The following MED18 variants were observed in gnomAD, a reference collection of about 807,000 sequenced individuals.
The protein encoded by MED18 is mediator complex subunit 18.
A neutral mutation model predicts 13.9 loss-of-function variants in MED18; 10 were observed. That is an observed-to-expected ratio of 0.72 (90% CI 0.44 to 1.22). The LOEUF is 1.22. MED18 is among the 50% of genes most tolerant of loss of function. The probability of loss-of-function intolerance (pLI) is 0.00; values close to 1 mark genes in which losing one functional copy is unlikely to be tolerated. For synonymous variants in MED18, 88 were observed against 93.2 expected (o/e 0.94, Z 0.32); for missense variants, 216 against 279.0 (o/e 0.77, Z 1.61).
chr1:28,331,055 G>T (rs866027056), intron 2 of MED18, among the ~76,000 whole-genome samples: 1 of 151,766 alleles, frequency 6.6e-6, no homozygotes. Flanking sequence ...TTAGCCCGGC[G>T]TGGTGGCGGG....
chr1:28,329,078 C>G lies in MED18; in HGVS notation c.-169C>G, dbSNP rs922891822. ...CACCGATCTGGGGGCTTCCCGGGCT[C>G]GGGTAACCGGAGTGCTGGTATCTAA... is the stretch of plus-strand genomic sequence containing the variant. On this transcript the variant is annotated 5_prime_UTR_variant, in exon 1 of 3. Coordinates refer to ENST00000373842, the MANE Select transcript of MED18 (RefSeq NM_017638.3). The G allele has an allele frequency of 6.6e-6, 1 of 152,140 alleles. No individual in the cohort carries two copies. The highest frequency in any genetic ancestry group is 2.1e-4 in the South Asian group (1 of 4,834). 9.4% of individuals were successfully genotyped at this position (152,140 alleles called of 1,614,324 possible).
intron 2 of MED18, among the ~76,000 whole-genome samples, chr1:28,331,749 A>AT (rs1001931813): frequency 0.013 from 1,895 of 145,952 alleles, 41 homozygotes; most frequent in African/African-American, 0.044. Flanking sequence ...TGTTTCTCTG[A>AT]TTTTTTTTTT....
At position 28,335,030 on chromosome 1, in the gene MED18, T is replaced by C; in HGVS notation, c.*60T>C. 1.4e-6 allele frequency: 2 copies of C among 1,451,816 alleles called. No individual in the cohort carries two copies. The highest frequency in any genetic ancestry group is 1.3e-5 in the South Asian group (1 of 75,026). 89.9% of individuals were successfully genotyped at this position (1,451,816 alleles called of 1,614,324 possible). ...TACTTGTTTGAAAAAATATGTTTGC[T>C]TTTTTTGGTTTTTGTTTTGTTTTGT... On this transcript the variant is annotated 3_prime_UTR_variant, in exon 3 of 3. Coordinates refer to ENST00000373842, the MANE Select transcript of MED18 (RefSeq NM_017638.3).
At chr1:28,331,044 A>C (rs546069741) in intron 2 of MED18, among the ~76,000 whole-genome samples, 1 of 151,862 alleles carries the variant, frequency 6.6e-6, no homozygotes, top group South Asian at 2.1e-4. Context: ...TACAAAAGAA[A>C]TTAGCCCGGC....
chr1:28,331,166 C>T (rs1649720164), intron 2 of MED18, among the ~76,000 whole-genome samples: 1 of 150,648 alleles, frequency 6.6e-6, no homozygotes, highest in South Asian at 2.1e-4. Flanking sequence ...TGCACTCCAG[C>T]CTGGGCGACA....
In MED18 at chr1:28,335,073, G is replaced by A. The variant is rs186269323; in HGVS notation, c.*103G>A. ...TGTTTTGTTTTTGAGACAGAGTCTC[G>A]CTTTGTTTCCCAGGCTGGAGTGCAG... On this transcript the variant is annotated 3_prime_UTR_variant, in exon 3 of 3. Transcript: ENST00000373842. 5.8e-5 allele frequency: 67 copies of A among 1,154,672 alleles called. No individual in the cohort carries two copies. The highest frequency in any genetic ancestry group is 7.7e-5 in the Non-Finnish European group (64 of 829,732). 71.5% of individuals were successfully genotyped at this position (1,154,672 alleles called of 1,614,324 possible).
chr1:28,331,151 G>A (rs377602888), intron 2 of MED18, among the ~76,000 whole-genome samples: 77 of 149,336 alleles, frequency 5.2e-4, no homozygotes, highest in African/African-American at 1.8e-3. Flanking sequence ...CCGAGATCGC[G>A]CCACTGCACT....
chr1:28,330,956 G>T (rs1348679031), intron 2 of MED18, among the ~76,000 whole-genome samples: 2 of 152,138 alleles, frequency 1.3e-5, no homozygotes, highest in African/African-American at 4.8e-5. Context: ...ACTTTGGGAG[G>T]CCGAGGTGGG....
chr1:28,334,317 C>T, intron 2 of MED18, 100 bp from the exon 3 acceptor site: 1 of 1,304,916 alleles, frequency 7.7e-7, no homozygotes, highest in Non-Finnish European at 1.1e-6. Flanking sequence ...AAATGCTTCA[C>T]TAAACTGTTT....
At position 28,334,679 on chromosome 1, in the gene MED18, G is replaced by A; in HGVS notation, c.336G>A (p.Glu112=). 1 of 1,614,192 alleles carries A rather than the reference G, an allele frequency of 6.2e-7. No individual in the cohort carries two copies. Among genetic ancestry groups the A allele is most frequent in the Non-Finnish European group, 8.5e-7 (1 of 1,180,036 alleles). ...ACTGCGTGGACATTGCCACATCTGA[G>A]AACCTCACCGACTTCTTGATGGAAA... ...VRNCVDIATS[E]NLTDFLMEMG... The change falls in exon 3 of 3, where the codon GAG becomes GAA. Residue 112 remains glutamate, a synonymous_variant. Coordinates refer to ENST00000373842, the MANE Select transcript of MED18 (RefSeq NM_017638.3).
intron 2 of MED18, among the ~76,000 whole-genome samples, chr1:28,332,850 AAGAG>A (rs1649787983): frequency 6.6e-6 from 1 of 152,222 alleles, no homozygotes; most frequent in Non-Finnish European, 1.5e-5. Context: ...CAAAGGTAGA[AAGAG>A]GCGATTGCAA....
At chr1:28,330,889 A>C in intron 2 of MED18, 154 bp downstream of exon 2, 1 of 501,054 alleles carries the variant, frequency 2.0e-6, no homozygotes, top group South Asian at 2.6e-5. Flanking sequence ...ATATGCACTA[A>C]ACATACTAAA....
At chr1:28,332,561 C>A (rs927564678) in intron 2 of MED18, among the ~76,000 whole-genome samples, 1 of 152,056 alleles carries the variant, frequency 6.6e-6, no homozygotes, top group Non-Finnish European at 1.5e-5. Flanking sequence ...AGTAGACATG[C>A]AGATGGGAAG....
rs768975582 is a variant in MED18, at chr1:28,334,496, C to A, written c.153C>A (p.Phe51Leu). ...GTGACAACATGGAACCTGAGACTTT[C>A]CTTGACCATGAGATGGTATTCCTCC... ...GLCDNMEPET[F>L]LDHEMVFLLK... The change falls in exon 3 of 3, where the codon TTC becomes TTA. Residue 51 changes from phenylalanine (F) to leucine (L), a missense_variant. Coordinates refer to ENST00000373842, the MANE Select transcript of MED18 (RefSeq NM_017638.3). 1.9e-6 allele frequency: 3 copies of A among 1,614,196 alleles called. No individual in the cohort carries two copies. Among genetic ancestry groups the A allele is most frequent in the Admixed American group, 3.3e-5 (2 of 60,000 alleles).
Position 28,329,104 on chromosome 1 carries a change from T to C in MED18, c.-143T>C, listed in dbSNP as rs1482319454. On this transcript the variant is annotated 5_prime_UTR_variant, in exon 1 of 3. Transcript: ENST00000373842. ...GGGTAACCGGAGTGCTGGTATCTAA[T>C]CGTCGCTCAAAAGCTCCTAGGTGCG... The C allele has an allele frequency of 1.3e-5, 2 of 152,318 alleles. No individual in the cohort carries two copies. The highest frequency in any genetic ancestry group is 2.4e-5 in the African/African-American group (1 of 41,566). The allele number at this position is 152,318 out of a possible 1,614,324, so 9.4% of individuals were successfully genotyped here. A position where few individuals can be genotyped will look rare whatever the true frequency, so the allele number is the denominator to read the frequency against.
At chr1:28,332,873 C>G (rs531661782) in intron 2 of MED18, among the ~76,000 whole-genome samples, 19 of 152,242 alleles carry the variant, frequency 1.2e-4, no homozygotes, top group African/African-American at 2.9e-4. Flanking sequence ...AAAGACCAGG[C>G]AAGAAATGAG....
In MED18 at chr1:28,329,155, C is replaced by T. The variant is rs1479199639; in HGVS notation, c.-92C>T. On this transcript the variant is annotated 5_prime_UTR_variant, in exon 1 of 3. Transcript: ENST00000373842. ...CGGGTGGATATAATTCCCGGCTTCT[C>T]GAGAAGACACTACAGCCTCAAGGAG... 1 of 152,058 alleles carries T rather than the reference C, an allele frequency of 6.6e-6. No homozygotes were observed. The highest frequency in any genetic ancestry group is 1.5e-5 in the Non-Finnish European group (1 of 68,034). 9.4% of individuals were successfully genotyped at this position (152,058 alleles called of 1,614,324 possible). A position where few individuals can be genotyped will look rare whatever the true frequency, so the allele number is the denominator to read the frequency against.
chr1:28,334,379 TGAAAGACAG>T (rs1286458405), intron 2 of MED18, 29 bp from the exon 3 acceptor site: 1 of 1,572,322 alleles, frequency 6.4e-7, no homozygotes, highest in Admixed American at 1.9e-5. Flanking sequence ...TGACCTAAAA[TGAAAGACAG>T]GACTCAGTGG....
chr1:28,334,413 T>C lies in MED18; in HGVS notation c.74-4T>C, dbSNP rs767421326. On this transcript the variant is annotated splice_region_variant and splice_polypyrimidine_tract_variant and intron_variant, in intron 2 of 2. Transcript: ENST00000373842. ...GGACTCAGTGGTGCTTTTTCCGTTTTCAGGAAGTGTTTTAGATCACAGTTT... is the reference window on the plus strand; with the variant it reads ...GGACTCAGTGGTGCTTTTTCCGTTTCCAGGAAGTGTTTTAGATCACAGTTT... 1.2e-5 allele frequency: 19 copies of C among 1,608,072 alleles called. No individual in the cohort carries two copies. Among genetic ancestry groups the C allele is most frequent in the Non-Finnish European group, 1.6e-5 (19 of 1,175,780 alleles).
Sources: allele counts gnomAD v4.1 joint callset (sites outside exome capture counted in the v4.1 genomes callset), GRCh38; gene constraint gnomAD v4.1.1; transcripts MANE v1.5; gene names NCBI Gene and HGNC (gene_info 2026-07-23, HGNC 2026-07-21).